DRC8: variants seen among roughly 807,000 people sequenced by gnomAD.
DRC8 encodes dynein regulatory complex protein 8.
the DRC8 span, among the ~76,000 whole-genome samples, chr1:244,971,958 CAAA>C: frequency 3.3e-3 from 359 of 107,206 alleles, 1 homozygote; most frequent in South Asian, 0.014. Context: ...TGTTCTTTAC[CAAA>C]AAAAAAAAAA....
chr1:245,001,707 G>A, the DRC8 span, among the ~76,000 whole-genome samples: 5 of 152,196 alleles, frequency 3.3e-5, no homozygotes, highest in African/African-American at 1.2e-4. Flanking sequence ...TAGCAACAGT[G>A]TGAAGGATGA....
chr1:245,025,855 G>A, the DRC8 span, among the ~76,000 whole-genome samples: 4 of 152,128 alleles, frequency 2.6e-5, no homozygotes, highest in African/African-American at 7.2e-5. Context: ...CCCTGCAGAC[G>A]GTCTCTTTCC....
chr1:245,022,714 C>T, the DRC8 span, among the ~76,000 whole-genome samples: 26 of 152,048 alleles, frequency 1.7e-4, 1 homozygote, highest in Admixed American at 7.9e-4. Context: ...TGTGCATGTG[C>T]GTGTGCGTGT....
At chr1:245,002,185 G>A in the DRC8 span, 3 of 1,610,692 alleles carry the variant, frequency 1.9e-6, no homozygotes, top group South Asian at 3.3e-5. Flanking sequence ...CTAATGGAAG[G>A]TGGAAGAAGA....
chr1:245,081,537 C>T, the DRC8 span, among the ~76,000 whole-genome samples: 3 of 152,118 alleles, frequency 2.0e-5, no homozygotes, highest in South Asian at 2.1e-4. Flanking sequence ...GGTGCGATCT[C>T]GGCTCACTGC....
chr1:245,039,021 T>C, the DRC8 span, among the ~76,000 whole-genome samples: 1 of 148,748 alleles, frequency 6.7e-6, no homozygotes, highest in Admixed American at 6.8e-5. Flanking sequence ...GAAATTTCCA[T>C]TTCTTGACCA....
the DRC8 span, among the ~76,000 whole-genome samples, chr1:245,118,795 A>AAAAAGAAAAAAG: frequency 7.2e-6 from 1 of 138,484 alleles, no homozygotes; most frequent in African/African-American, 2.6e-5. Flanking sequence ...GCCATCTCAA[A>AAAAAGAAAAAAG]AAAAGAAAAG....
the DRC8 span, among the ~76,000 whole-genome samples, chr1:245,061,275 T>C: frequency 6.6e-6 from 1 of 152,246 alleles, no homozygotes; most frequent in Non-Finnish European, 1.5e-5. Context: ...TTGGTGGGCA[T>C]GCAGTACATA....
chr1:244,978,775 C>T, the DRC8 span, among the ~76,000 whole-genome samples: 2 of 152,158 alleles, frequency 1.3e-5, no homozygotes, highest in Non-Finnish European at 2.9e-5. Context: ...CAGGCTTGAG[C>T]CACCACCTCT....
chr1:244,972,062 A>C, the DRC8 span, among the ~76,000 whole-genome samples: 1 of 151,514 alleles, frequency 6.6e-6, no homozygotes, highest in Non-Finnish European at 1.5e-5. Context: ...GAAAAAACGC[A>C]CTGGAGTATG....
chr1:244,970,690 CT>C, the DRC8 span: 14 of 505,936 alleles, frequency 2.8e-5, no homozygotes, highest in African/African-American at 1.2e-4. Flanking sequence ...CCTCTCTCCC[CT>C]CTTCCCTCCC....
the DRC8 span, among the ~76,000 whole-genome samples, chr1:245,056,390 CGT>C: frequency 2.6e-5 from 4 of 152,160 alleles, no homozygotes; most frequent in African/African-American, 7.2e-5. Context: ...CCGCCTCCTG[CGT>C]TCAAGCGATT....
At chr1:245,106,035 C>T in the DRC8 span, among the ~76,000 whole-genome samples, 4 of 152,204 alleles carry the variant, frequency 2.6e-5, no homozygotes, top group Admixed American at 2.6e-4. Flanking sequence ...TGCACTCCAG[C>T]CTGGACAACA....
the DRC8 span, among the ~76,000 whole-genome samples, chr1:245,045,983 G>C: frequency 0.013 from 1,935 of 152,210 alleles, 40 homozygotes; most frequent in African/African-American, 0.043. Flanking sequence ...TTTAGTTCTA[G>C]GAAGTCAGTG....
chr1:244,979,451 A>ATGTGCCAC, the DRC8 span, among the ~76,000 whole-genome samples: 1 of 151,744 alleles, frequency 6.6e-6, no homozygotes. Context: ...GATTACAGAC[A>ATGTGCCAC]TGTGCCACCA....
the DRC8 span, among the ~76,000 whole-genome samples, chr1:244,981,624 C>T: frequency 6.6e-6 from 1 of 152,164 alleles, no homozygotes; most frequent in Admixed American, 6.5e-5. Context: ...CCGGTTGCTC[C>T]TGGAGCCATA....
chr1:245,083,496 C>A, the DRC8 span: 1 of 1,611,732 alleles, frequency 6.2e-7, no homozygotes, highest in East Asian at 2.2e-5. Flanking sequence ...TATGTAAACT[C>A]CAGCTTATAT....
chr1:244,999,858 C>A, the DRC8 span, among the ~76,000 whole-genome samples: 618 of 152,280 alleles, frequency 4.1e-3, 3 homozygotes, highest in South Asian at 0.013. Context: ...GTCACCCAGG[C>A]TGGAGTGCAG....
chr1:245,021,892 C>G, the DRC8 span, among the ~76,000 whole-genome samples: 4 of 152,264 alleles, frequency 2.6e-5, no homozygotes, highest in South Asian at 8.3e-4. Context: ...CCAGGCTGAC[C>G]TTGAAACCCT....
Sources: gnomAD v4.1 joint callset for allele counts (sites outside exome capture counted in the v4.1 genomes callset) on GRCh38, gnomAD v4.1.1 for gene constraint, MANE v1.5 for transcripts, NCBI Gene and HGNC (gene_info 2026-07-23, HGNC 2026-07-21) for gene names.